The following SUCLA2 variants were observed in gnomAD, a reference collection of about 807,000 sequenced individuals.
SUCLA2 encodes the protein succinate--CoA ligase [ADP-forming] subunit beta, mitochondrial.
In SUCLA2, 30 loss-of-function variants were observed where a neutral mutation model predicts 54.8. The ratio of observed to expected loss-of-function variants is 0.55; its 90% CI spans 0.41 to 0.74. The LOEUF is 0.74. Among genes scored for constraint, SUCLA2 ranks in the 30% least tolerant of loss-of-function variants. SUCLA2 has a pLI of 0.00. For synonymous variants in SUCLA2, 172 were observed against 188.9 expected (o/e 0.91, Z 0.74); for missense variants, 476 against 562.9 (o/e 0.85, Z 1.56).
In SUCLA2 at chr13:47,973,252, A is replaced by T; in HGVS notation, c.663+12T>A. 1 of 1,609,566 alleles carries T rather than the reference A, an allele frequency of 6.2e-7. No homozygotes were observed. The highest frequency in any genetic ancestry group is 8.5e-7 in the Non-Finnish European group (1 of 1,177,484). ...AATCATAAGCTAGAAATTTTTCAGGAATACAACATACCTGGAGAGCTTGTT... is the reference window on the plus strand; with the variant it reads ...AATCATAAGCTAGAAATTTTTCAGGTATACAACATACCTGGAGAGCTTGTT... On this transcript the variant is annotated intron_variant, in intron 5 of 10. Coordinates refer to ENST00000646932, the MANE Select transcript of SUCLA2 (RefSeq NM_003850.3).
At chr13:47,996,410 C>T (rs1284083564) in intron 2 of SUCLA2, among the ~76,000 whole-genome samples, 2 of 151,640 alleles carry the variant, frequency 1.3e-5, no homozygotes, top group Non-Finnish European at 1.5e-5. Context: ...CCCTTTGGTT[C>T]CATATTTTTC....
At chr13:47,956,398 T>C (rs886826538) in intron 6 of SUCLA2, among the ~76,000 whole-genome samples, 12 of 152,046 alleles carry the variant, frequency 7.9e-5, no homozygotes, top group Non-Finnish European at 1.6e-4. Context: ...TGCACCTCAG[T>C]GACCTCTTGG....
intron 6 of SUCLA2, among the ~76,000 whole-genome samples, chr13:47,966,990 A>T (rs1205397221): frequency 1.3e-5 from 2 of 152,194 alleles, no homozygotes; most frequent in Non-Finnish European, 2.9e-5. Flanking sequence ...AGCGTACTCC[A>T]GCCTGGGCAA....
chr13:47,957,273 G>A (rs965118737), intron 6 of SUCLA2, among the ~76,000 whole-genome samples: 8 of 152,306 alleles, frequency 5.3e-5, no homozygotes, highest in East Asian at 1.9e-4. Flanking sequence ...TGCAGCACCC[G>A]ATTAAAGCCT....
chr13:47,965,574 A>C (rs1949911793), intron 6 of SUCLA2: 1 of 398,278 alleles, frequency 2.5e-6, no homozygotes, highest in Non-Finnish European at 4.4e-6. Flanking sequence ...GAAATAAATC[A>C]AACTTCCAGA....
chr13:47,943,586 T>C (rs1189670687), intron 10 of SUCLA2, 141 bp from the exon 11 acceptor site: 7 of 728,120 alleles, frequency 9.6e-6, no homozygotes, highest in South Asian at 1.6e-5. Context: ...TACGTTCTTA[T>C]AAGCAAATGA....
chr13:47,966,597 T>A (rs567368832), intron 6 of SUCLA2, among the ~76,000 whole-genome samples: 19 of 151,994 alleles, frequency 1.3e-4, no homozygotes, highest in Admixed American at 5.2e-4. Flanking sequence ...CTGACCCCTT[T>A]GATAATGAGT....
At chr13:47,947,816 C>T (rs1949744930) in intron 10 of SUCLA2, among the ~76,000 whole-genome samples, 1 of 152,064 alleles carries the variant, frequency 6.6e-6, no homozygotes, top group African/African-American at 2.4e-5. Context: ...CATTAAAATC[C>T]AGACTATGAG....
intron 4 of SUCLA2, among the ~76,000 whole-genome samples, chr13:47,980,757 G>T (rs1450607279): frequency 6.6e-6 from 1 of 151,948 alleles, no homozygotes; most frequent in Non-Finnish European, 1.5e-5. Flanking sequence ...TAGACCAATG[G>T]AATAGAACAG....
At chr13:47,969,779 A>C (rs996616753) in intron 5 of SUCLA2, among the ~76,000 whole-genome samples, 6 of 152,200 alleles carry the variant, frequency 3.9e-5, no homozygotes, top group Admixed American at 3.9e-4. Context: ...CAAAGAGTCA[A>C]ATGCCAATAA....
chr13:47,943,764 G>GTATA (rs1366859649), intron 10 of SUCLA2, among the ~76,000 whole-genome samples: 164 of 137,984 alleles, frequency 1.2e-3, no homozygotes, highest in Middle Eastern at 3.8e-3. Context: ...GTGTGTGTGT[G>GTATA]TGTATATATA....
chr13:47,956,312 T>C (rs563305259), intron 6 of SUCLA2, among the ~76,000 whole-genome samples: 1 of 152,024 alleles, frequency 6.6e-6, no homozygotes, highest in Non-Finnish European at 1.5e-5. Flanking sequence ...AACAGCAGAC[T>C]GGTGATGGGT....
At chr13:47,986,721 G>A (rs1307591436) in intron 4 of SUCLA2, among the ~76,000 whole-genome samples, 3 of 152,166 alleles carry the variant, frequency 2.0e-5, no homozygotes, top group Non-Finnish European at 2.9e-5. Context: ...GTTAACTTTT[G>A]TATATGGTGT....
Position 47,998,618 on chromosome 13 carries a change from A to G in SUCLA2, c.91-1595T>C, listed in dbSNP as rs1346689002. On this transcript the variant is annotated intron_variant, in intron 1 of 10. Coordinates refer to ENST00000646932, the MANE Select transcript of SUCLA2 (RefSeq NM_003850.3). ...ACATCGATGGATTAATCTCACAAAC[A>G]TAATGTAGAGAGAAAGAAGCCAGAA... 2.0e-5 allele frequency among the ~76,000 whole-genome samples: 3 copies of G among 152,248 alleles called. No homozygotes were observed. In the East Asian group the frequency reaches 5.8e-4, roughly 29 times the overall value.
rs765425858 is a variant in SUCLA2 at position 47,988,531 on chromosome 13, A to T, written c.534+10T>A. ...TTTATCCCGTATGTATCATGTCTAC[A>T]ATTACTCACTTGAAATGACCTTTCC... is the stretch of plus-strand genomic sequence containing the variant. On this transcript the variant is annotated intron_variant, in intron 4 of 10. Transcript: ENST00000646932. The T allele has an allele frequency of 3.1e-6, 5 of 1,613,494 alleles. No individual in the cohort carries two copies. In the South Asian group the frequency reaches 5.5e-5, roughly 18 times the overall value.
rs543554514 is a variant in SUCLA2 at position 47,969,449 on chromosome 13, TAC to T, written c.664-718_664-717del. On this transcript the variant is annotated intron_variant, in intron 5 of 10. Transcript: ENST00000646932. ...TGTTTAACTTTATAATAAAAGAGTT[TAC>T]AGTCTTGAGGGATTCCCAAATAGAG... Among the ~76,000 whole-genome samples the T allele has an allele frequency of 2.7e-3, 406 of 152,340 alleles. 1 individual carries two copies. The highest frequency in any genetic ancestry group is 4.5e-3 in the Non-Finnish European group (305 of 68,028).
At chr13:47,975,381 G>A (rs1038403261) in intron 4 of SUCLA2, among the ~76,000 whole-genome samples, 4 of 151,748 alleles carry the variant, frequency 2.6e-5, no homozygotes, top group Non-Finnish European at 5.9e-5. Flanking sequence ...AGCTGGTCTC[G>A]AACTCCTGAC....
intron 6 of SUCLA2, among the ~76,000 whole-genome samples, chr13:47,959,484 A>G (rs979922302): frequency 4.0e-5 from 2 of 49,928 alleles, no homozygotes; most frequent in Non-Finnish European, 3.6e-5. Context: ...GCGGAGGAGG[A>G]GGGGGGAAGG....
intron 1 of SUCLA2, 86 bp downstream of exon 1, chr13:48,001,094 T>C: frequency 2.0e-6 from 3 of 1,532,090 alleles, no homozygotes; most frequent in Non-Finnish European, 2.7e-6. Context: ...GCCGGCGAAG[T>C]GACCCCGAGC....
Sources: gnomAD v4.1 joint callset for allele counts (sites outside exome capture counted in the v4.1 genomes callset) on GRCh38, gnomAD v4.1.1 for gene constraint, MANE v1.5 for transcripts, NCBI Gene and HGNC (gene_info 2026-07-23, HGNC 2026-07-21) for gene names.